CCSER1: variants seen among roughly 807,000 people sequenced by gnomAD.
CCSER1 encodes the protein serine-rich coiled-coil domain-containing protein 1.
In CCSER1, 41 loss-of-function variants were observed where a neutral mutation model predicts 82.0. The ratio of observed to expected loss-of-function variants is 0.50; its 90% confidence interval spans 0.39 to 0.65. The LOEUF (loss-of-function observed/expected upper bound fraction) is 0.65. CCSER1 is among the 30% of genes least tolerant of loss of function. The pLI is 0.00. For missense variants in CCSER1, 1,119 were observed against 1,064.2 expected, an observed-to-expected ratio of 1.05 and a Z score of -0.72; for synonymous variants, 414 against 383.9, an observed-to-expected ratio of 1.08 and a Z score of -0.92.
intron 1 of CCSER1, among the ~76,000 whole-genome samples, chr4:90,304,505 G>A (rs538868193): frequency 1.8e-4 from 28 of 152,198 alleles, no homozygotes; most frequent in African/African-American, 6.3e-4. Flanking sequence ...GTAGGGACAC[G>A]GATGAAATTG....
At chr4:90,401,830 A>C (rs1206683693) in intron 4 of CCSER1, among the ~76,000 whole-genome samples, 1 of 152,158 alleles carries the variant, frequency 6.6e-6, no homozygotes, top group Non-Finnish European at 1.5e-5. Flanking sequence ...TGGCCACCCG[A>C]TTGTAAGGAT....
chr4:90,645,386 G>C (rs938290347), intron 6 of CCSER1, among the ~76,000 whole-genome samples: 1 of 152,176 alleles, frequency 6.6e-6, no homozygotes, highest in East Asian at 1.9e-4. Context: ...AATGATATTC[G>C]TAGCTTCTAT....
At chr4:91,202,483 A>G (rs148870846) in intron 10 of CCSER1, among the ~76,000 whole-genome samples, 25 of 152,136 alleles carry the variant, frequency 1.6e-4, no homozygotes, top group Middle Eastern at 6.8e-3. Flanking sequence ...CTAAGACAGG[A>G]CAGTATGGCT....
chr4:91,116,083 C>T (rs1178557584), intron 10 of CCSER1, among the ~76,000 whole-genome samples: 1 of 151,892 alleles, frequency 6.6e-6, no homozygotes, highest in Admixed American at 6.6e-5. Context: ...TCAGTTCCCA[C>T]CTATGAGTGA....
At chr4:91,125,123 T>A (rs1051668272) in intron 10 of CCSER1, among the ~76,000 whole-genome samples, 1 of 151,758 alleles carries the variant, frequency 6.6e-6, no homozygotes, top group African/African-American at 2.4e-5. Flanking sequence ...TCTACTTCAA[T>A]CAGTATATCA....
chr4:90,624,034 G>T (rs1187043255), intron 5 of CCSER1, among the ~76,000 whole-genome samples: 1 of 152,178 alleles, frequency 6.6e-6, no homozygotes, highest in Admixed American at 6.5e-5. Context: ...ATTTTCTGCA[G>T]CTCTACTTAA....
intron 3 of CCSER1, among the ~76,000 whole-genome samples, chr4:90,316,522 A>G (rs763977453): frequency 6.6e-6 from 1 of 152,246 alleles, no homozygotes; most frequent in African/African-American, 2.4e-5. Context: ...GCTGATGAAT[A>G]GTATCAATGT....
intron 10 of CCSER1, among the ~76,000 whole-genome samples, chr4:91,518,905 C>G (rs1336473505): frequency 6.6e-6 from 1 of 152,182 alleles, no homozygotes; most frequent in Non-Finnish European, 1.5e-5. Context: ...GGGGGTTAGG[C>G]TTTCCCAGGG....
intron 5 of CCSER1, among the ~76,000 whole-genome samples, chr4:90,627,759 T>A (rs1016609428): frequency 2.6e-4 from 39 of 152,160 alleles, no homozygotes; most frequent in African/African-American, 9.2e-4. Context: ...GGCAGGCGGA[T>A]CACGAGGTCA....
At chr4:90,333,006 A>C (rs1328986125) in intron 3 of CCSER1, among the ~76,000 whole-genome samples, 1 of 152,130 alleles carries the variant, frequency 6.6e-6, no homozygotes, top group Non-Finnish European at 1.5e-5. Flanking sequence ...CTTACATGGC[A>C]CTAACACTCA....
At chr4:91,344,030 C>T (rs72879077) in intron 10 of CCSER1, among the ~76,000 whole-genome samples, 13,192 of 152,160 alleles carry the variant, frequency 0.087, 1,924 homozygotes, top group African/African-American at 0.3. Flanking sequence ...TTAGCAGCTA[C>T]TATGGTTGGA....
chr4:91,145,110 G>T (rs1328401701), intron 10 of CCSER1, among the ~76,000 whole-genome samples: 1 of 151,976 alleles, frequency 6.6e-6, no homozygotes, highest in Non-Finnish European at 1.5e-5. Flanking sequence ...TGTAGGTCTG[G>T]AAATACTTGT....
rs376694293 is a variant in CCSER1, at chr4:91,165,853, C to T, written c.2217+79859C>T. On this transcript the variant is annotated intron_variant, in intron 10 of 10. Coordinates refer to ENST00000509176, the MANE Select transcript of CCSER1 (RefSeq NM_001145065.2). ...TCATCTGTCATGGCTTCCCTTGGCTCGGAAAGGGAAATCCCCCAACCCATT... is the reference window on the plus strand; with the variant it reads ...TCATCTGTCATGGCTTCCCTTGGCTTGGAAAGGGAAATCCCCCAACCCATT... Among the ~76,000 whole-genome samples, 32 of 152,298 alleles carry T rather than the reference C, an allele frequency of 2.1e-4. 1 individual carries two copies. The South Asian group carries it at 3.9e-3, about 19-fold the overall frequency.
At chr4:90,312,256 G>GGGAGAGCA (rs1735414735) in intron 2 of CCSER1, among the ~76,000 whole-genome samples, 1 of 152,126 alleles carries the variant, frequency 6.6e-6, no homozygotes, top group Non-Finnish European at 1.5e-5. Context: ...AGTGATGGAG[G>GGGAGAGCA]GGAGAGCAGG....
At position 91,174,590 on chromosome 4, in the gene CCSER1, G is replaced by A. The variant is rs150460071; in HGVS notation, c.2217+88596G>A. On this transcript the variant is annotated intron_variant, in intron 10 of 10. Transcript: ENST00000509176. Reference sequence around the variant, plus strand: ...TCAGCCCCACATGCATTAGGTATTTGGACAAACATTTTTACCAAGCTACTA... The same window carrying A: ...TCAGCCCCACATGCATTAGGTATTTAGACAAACATTTTTACCAAGCTACTA... Among the ~76,000 whole-genome samples, 1,417 of 151,958 alleles carry A rather than the reference G, an allele frequency of 9.3e-3. 17 individuals carry two copies. The highest frequency in any genetic ancestry group is 0.032 in the African/African-American group (1,311 of 41,426).
chr4:90,630,902 A>ATTT (rs1197334601), intron 6 of CCSER1, among the ~76,000 whole-genome samples: 3 of 114,114 alleles, frequency 2.6e-5, no homozygotes, highest in Non-Finnish European at 5.5e-5. Flanking sequence ...TATTATTATT[A>ATTT]TTATTATTTG....
At chr4:90,988,336 A>G (rs1252073725) in intron 9 of CCSER1, among the ~76,000 whole-genome samples, 2 of 3,876 alleles carry the variant, frequency 5.2e-4, no homozygotes, top group South Asian at 4.3e-3. Context: ...TCTTGTCTCA[A>G]AAAAAAAAAA....
intron 6 of CCSER1, among the ~76,000 whole-genome samples, chr4:90,722,529 T>C (rs1240728337): frequency 6.6e-6 from 1 of 151,888 alleles, no homozygotes; most frequent in Non-Finnish European, 1.5e-5. Context: ...ATAAATGGCA[T>C]AGAACTCCGG....
intron 9 of CCSER1, among the ~76,000 whole-genome samples, chr4:91,008,980 A>C (rs537283089): frequency 6.6e-6 from 1 of 152,292 alleles, no homozygotes; most frequent in Admixed American, 6.5e-5. Context: ...ATTAGGACGA[A>C]CCCGGGCACT....
Sources: allele counts gnomAD v4.1 joint callset (sites outside exome capture counted in the v4.1 genomes callset), GRCh38; gene constraint gnomAD v4.1.1; transcripts MANE v1.5; gene names NCBI Gene and HGNC (gene_info 2026-07-23, HGNC 2026-07-21).